The following BNC2 variants were observed in gnomAD, a reference collection of about 807,000 sequenced individuals.
The protein encoded by BNC2 is zinc finger protein basonuclin-2.
BNC2 carries 20 observed loss-of-function variants against 76.3 expected under a neutral mutation model. That is an observed-to-expected ratio of 0.26 (90% CI 0.18 to 0.38). The LOEUF is 0.38. Among genes scored for constraint, BNC2 ranks in the 10% least tolerant of loss-of-function variants. The pLI is 1.00. For synonymous variants in BNC2, 582 were observed against 514.8 expected (o/e 1.13, Z -1.77); for missense variants, 1,382 against 1,399.8 (o/e 0.99, Z 0.20).
intron 3 of BNC2, chr9:16,705,212 T>C (rs1174852878): frequency 2.3e-5 from 3 of 131,580 alleles, no homozygotes; most frequent in Non-Finnish European, 3.1e-5. Context: ...AAAACATTCA[T>C]GCGACTTGGA....
chr9:16,609,203 A>G (rs1244697039), intron 3 of BNC2, among the ~76,000 whole-genome samples: 6 of 152,224 alleles, frequency 3.9e-5, no homozygotes, highest in Admixed American at 2.6e-4. Context: ...AGTCTCAGAC[A>G]TGAAATCATT....
intron 5 of BNC2, among the ~76,000 whole-genome samples, chr9:16,450,765 T>C (rs568197519): frequency 5.1e-4 from 77 of 152,216 alleles, no homozygotes; most frequent in Non-Finnish European, 1.5e-4. Context: ...AAAGCCAGAG[T>C]TGACAGGCCT....
intron 3 of BNC2, among the ~76,000 whole-genome samples, chr9:16,610,569 C>G (rs557311333): frequency 1.4e-4 from 21 of 152,224 alleles, no homozygotes; most frequent in African/African-American, 4.6e-4. Context: ...AGAATTTAAA[C>G]GCAATCAGTG....
chr9:16,867,293 A>G (rs551332712), intron 1 of BNC2: 22 of 152,078 alleles, frequency 1.4e-4, no homozygotes, highest in Non-Finnish European at 2.8e-4. Flanking sequence ...TATAGAAAAC[A>G]TTTTCATGTA....
At chr9:16,463,894 G>A (rs543715079) in intron 5 of BNC2, among the ~76,000 whole-genome samples, 4 of 151,862 alleles carry the variant, frequency 2.6e-5, no homozygotes, top group Non-Finnish European at 5.9e-5. Flanking sequence ...TTAGGTGTTT[G>A]AGACCACCTG....
chr9:16,728,567 T>TAA, intron 2 of BNC2, among the ~76,000 whole-genome samples: 1 of 151,856 alleles, frequency 6.6e-6, no homozygotes, highest in South Asian at 2.1e-4. Flanking sequence ...CTGAAGAAAG[T>TAA]AAAATATTCA....
At chr9:16,739,061 A>G (rs1455978003) in intron 1 of BNC2, among the ~76,000 whole-genome samples, 1 of 151,952 alleles carries the variant, frequency 6.6e-6, no homozygotes, top group African/African-American at 2.4e-5. Flanking sequence ...ACACCGAGGC[A>G]CTCTCACACT....
intron 1 of BNC2, among the ~76,000 whole-genome samples, chr9:16,830,385 G>C (rs1818553219): frequency 6.6e-6 from 1 of 152,250 alleles, no homozygotes; most frequent in Non-Finnish European, 1.5e-5. Flanking sequence ...TGTAGCATTT[G>C]CATATAACCT....
chr9:16,486,587 T>C (rs1336186958), intron 5 of BNC2, among the ~76,000 whole-genome samples: 1 of 152,242 alleles, frequency 6.6e-6, no homozygotes, highest in Admixed American at 6.5e-5. Context: ...TCAGCAAACA[T>C]ATATTCCTCA....
At chr9:16,645,622 A>C (rs1398937085) in intron 3 of BNC2, among the ~76,000 whole-genome samples, 2 of 152,188 alleles carry the variant, frequency 1.3e-5, no homozygotes, top group Non-Finnish European at 2.9e-5. Flanking sequence ...CCATCACAGC[A>C]CAAGAGTTGT....
chr9:16,796,172 C>T (rs748577282), intron 1 of BNC2, among the ~76,000 whole-genome samples: 61 of 152,324 alleles, frequency 4.0e-4, no homozygotes, highest in Middle Eastern at 3.4e-3. Context: ...ATGGCATTAA[C>T]CATTCACTAT....
intron 5 of BNC2, among the ~76,000 whole-genome samples, chr9:16,454,518 G>A (rs374798125): frequency 2.6e-5 from 4 of 152,050 alleles, no homozygotes; most frequent in East Asian, 1.9e-4. Flanking sequence ...TGCCTAGGCT[G>A]GTCTTGAACT....
chr9:16,718,003 T>C (rs1210104718), intron 3 of BNC2, among the ~76,000 whole-genome samples: 1 of 152,216 alleles, frequency 6.6e-6, no homozygotes, highest in Non-Finnish European at 1.5e-5. Context: ...CACCCAAGCT[T>C]TTCTGGTCAT....
Position 16,586,075 on chromosome 9 carries a change from C to A in BNC2, c.331-2990G>T, listed in dbSNP as rs536272028. On this transcript the variant is annotated intron_variant, in intron 3 of 6. Coordinates refer to ENST00000380672, the MANE Select transcript of BNC2 (RefSeq NM_017637.6). ...GCCTTGTAATTCTTTCCTCAATTTC[C>A]ATTATTGGAAACTGTCTGCTCTTTT... Among the ~76,000 whole-genome samples the A allele has an allele frequency of 1.8e-3, 276 of 152,108 alleles. 3 individuals carry two copies. The highest frequency in any genetic ancestry group is 6.8e-3 in the Middle Eastern group (2 of 294).
At chr9:16,524,291 C>G (rs1156512811) in intron 5 of BNC2, among the ~76,000 whole-genome samples, 1 of 152,168 alleles carries the variant, frequency 6.6e-6, no homozygotes, top group Non-Finnish European at 1.5e-5. Flanking sequence ...CCAGATTTAA[C>G]CTGAGAGTGA....
chr9:16,579,324 C>A (rs1013676586), intron 4 of BNC2, among the ~76,000 whole-genome samples: 1 of 151,642 alleles, frequency 6.6e-6, no homozygotes, highest in South Asian at 2.1e-4. Flanking sequence ...GCTCTGTCAC[C>A]CAGATTGGAA....
chr9:16,613,902 C>T (rs568182186), intron 3 of BNC2, among the ~76,000 whole-genome samples: 1 of 152,018 alleles, frequency 6.6e-6, no homozygotes, highest in Admixed American at 6.5e-5. Context: ...GCCTCGATGA[C>T]ATCATGAGAC....
At chr9:16,648,582 T>C (rs1346255623) in intron 3 of BNC2, among the ~76,000 whole-genome samples, 1 of 152,192 alleles carries the variant, frequency 6.6e-6, no homozygotes, top group African/African-American at 2.4e-5. Context: ...TGCAAAGTAA[T>C]GAGGACAGAA....
chr9:16,700,209 T>C (rs1823467917), intron 3 of BNC2, among the ~76,000 whole-genome samples: 1 of 152,198 alleles, frequency 6.6e-6, no homozygotes, highest in Admixed American at 6.5e-5. Flanking sequence ...ATAGTAAAAT[T>C]ACTTCATTGC....
Sources: gnomAD v4.1 joint callset for allele counts (sites outside exome capture counted in the v4.1 genomes callset) on GRCh38, gnomAD v4.1.1 for gene constraint, MANE v1.5 for transcripts, NCBI Gene and HGNC (gene_info 2026-07-23, HGNC 2026-07-21) for gene names.